ANK2: variants seen among roughly 807,000 people sequenced by gnomAD.
The protein encoded by ANK2 is ankyrin-2.
In ANK2, 83 loss-of-function variants were observed where a neutral mutation model predicts 360.5. That is an observed-to-expected ratio of 0.23 (90% confidence interval 0.19 to 0.28). The LOEUF (loss-of-function observed/expected upper bound fraction) is 0.28, where lower values mean the gene tolerates loss of function less well. Among genes scored for constraint, ANK2 ranks in the 10% least tolerant of loss-of-function variants. The probability of loss-of-function intolerance (pLI) is 1.00; values close to 1 mark genes in which losing one functional copy is unlikely to be tolerated. For synonymous variants in ANK2, 1,740 were observed against 1,759.5 expected (o/e 0.99, Z 0.28); for missense variants, 4,201 against 4,795.7 (o/e 0.88, Z 3.66).
the ANK2 span, among the ~76,000 whole-genome samples, chr4:112,787,319 T>C: frequency 1.3e-5 from 2 of 151,868 alleles, no homozygotes; most frequent in Non-Finnish European, 2.9e-5. Context: ...CTTCTGCTAC[T>C]CCCCTCGATA....
intron 18 of ANK2, among the ~76,000 whole-genome samples, chr4:113,287,077 A>G (rs2065022660): frequency 6.6e-6 from 1 of 152,190 alleles, no homozygotes; most frequent in Non-Finnish European, 1.5e-5. Context: ...AGGTTACTTT[A>G]AGGTAATGTT....
intron 2 of ANK2, among the ~76,000 whole-genome samples, chr4:112,916,813 G>A (rs539273557): frequency 6.6e-6 from 1 of 152,250 alleles, no homozygotes; most frequent in Admixed American, 6.5e-5. Context: ...TCTATTCAAT[G>A]TATTTTAATA....
At position 112,932,082 on chromosome 4, in the gene ANK2, C is replaced by T. The variant is rs189779725; in HGVS notation, c.21+27568C>T. Among the ~76,000 whole-genome samples, 118 of 152,128 alleles carry T rather than the reference C, an allele frequency of 7.8e-4. 1 individual carries two copies. The highest frequency in any genetic ancestry group is 1.3e-3 in the Non-Finnish European group (88 of 68,006). On this transcript the variant is annotated intron_variant, in intron 2 of 30. Transcript: ENST00000503271. Reference sequence around the variant, plus strand: ...TAAGTGCAAGAGACAGCCTTTAGCCCGAAGATAGTGATAAAAATGACATAT... The same window carrying T: ...TAAGTGCAAGAGACAGCCTTTAGCCTGAAGATAGTGATAAAAATGACATAT...
intron 1 of ANK2, among the ~76,000 whole-genome samples, chr4:113,118,130 AAT>A (rs2095016331): frequency 1.3e-5 from 2 of 152,314 alleles, no homozygotes; most frequent in South Asian, 4.1e-4. Context: ...TTTCTCTTAA[AAT>A]ATTGTTTTCC....
chr4:113,368,122 T>C lies in ANK2; in HGVS notation c.11318+271T>C, dbSNP rs527412407. Among the ~76,000 whole-genome samples, 738 of 152,320 alleles carry C rather than the reference T, an allele frequency of 4.8e-3. 6 individuals are homozygous for C. Among genetic ancestry groups the C allele is most frequent in the African/African-American group, 0.017 (709 of 41,570 alleles). On this transcript the variant is annotated intron_variant, in intron 42 of 45. Transcript: ENST00000357077. ...CTTTGAATCTCCATTTCCACATCTG[T>C]AAATTATAGTAATAATACACACTTG...
chr4:113,238,790 T>C (rs6533676), intron 7 of ANK2, among the ~76,000 whole-genome samples: 99,049 of 151,932 alleles, frequency 0.65, 32,879 homozygotes, highest in South Asian at 0.77. Flanking sequence ...CCTACTTCCA[T>C]GTTAATCAGG....
chr4:113,263,211 A>G (rs1445366700), intron 13 of ANK2, among the ~76,000 whole-genome samples: 1 of 150,858 alleles, frequency 6.6e-6, no homozygotes, highest in African/African-American at 2.5e-5. Context: ...AAAAAAAAGA[A>G]GATCTTAGCC....
At chr4:112,708,824 G>A in the ANK2 span, among the ~76,000 whole-genome samples, 5 of 151,970 alleles carry the variant, frequency 3.3e-5, no homozygotes, top group African/African-American at 4.8e-5. Context: ...GATTGAATTC[G>A]TTTGCATTTA....
intron 14 of ANK2, among the ~76,000 whole-genome samples, chr4:113,270,188 C>A (rs1035953324): frequency 1.3e-5 from 2 of 152,004 alleles, no homozygotes; most frequent in African/African-American, 4.8e-5. Flanking sequence ...TTTTGTAATT[C>A]GTATTTAATA....
intron 36 of ANK2, among the ~76,000 whole-genome samples, chr4:113,349,187 C>G (rs1279510360): frequency 1.3e-5 from 2 of 152,042 alleles, no homozygotes; most frequent in Non-Finnish European, 2.9e-5. Flanking sequence ...ATGAATTAAA[C>G]CTGCTTCAAT....
Position 113,375,594 on chromosome 4 carries a change from G to A in ANK2, c.11859+2145G>A, listed in dbSNP as rs543956423. Among the ~76,000 whole-genome samples the A allele has an allele frequency of 2.6e-3, 395 of 151,978 alleles. 1 individual carries two copies. Among genetic ancestry groups the A allele is most frequent in the Middle Eastern group, 0.01 (3 of 294 alleles). On this transcript the variant is annotated intron_variant, in intron 45 of 45. Transcript: ENST00000357077. ...CAAAAAATTAGCCAGGCGTGGTGGC[G>A]GGTGCCTGTAGTCCCAGCTACTCGG... is the stretch of plus-strand genomic sequence containing the variant.
At chr4:113,145,511 T>A in intron 1 of ANK2, 1 of 816,944 alleles carries the variant, frequency 1.2e-6, no homozygotes, top group Non-Finnish European at 1.5e-6. Flanking sequence ...TGAGGCAGGC[T>A]GCTTGCATGG....
chr4:113,129,538 T>C (rs1049084607), intron 1 of ANK2, among the ~76,000 whole-genome samples: 3 of 147,984 alleles, frequency 2.0e-5, no homozygotes, highest in African/African-American at 8.0e-5. Context: ...AGAATTTTTG[T>C]TTGTTTGTTT....
intron 1 of ANK2, among the ~76,000 whole-genome samples, chr4:113,077,368 T>C (rs2080508147): frequency 1.3e-5 from 2 of 152,140 alleles, no homozygotes; most frequent in South Asian, 4.1e-4. Context: ...TGGTTTTAAT[T>C]TTTTTCTTTC....
At chr4:113,317,540 T>TAA (rs1377685479) in intron 24 of ANK2, 167 bp from the exon 25 acceptor site, 3 of 672,630 alleles carry the variant, frequency 4.5e-6, no homozygotes, top group Non-Finnish European at 8.2e-6. Flanking sequence ...ATGTGTTAGT[T>TAA]CAGCTGTTGG....
intron 16 of ANK2, 147 bp from the exon 17 acceptor site, chr4:113,278,313 G>A (rs1586916173): frequency 1.4e-6 from 1 of 723,312 alleles, no homozygotes. Flanking sequence ...AAATTATTAG[G>A]GATTTGTTTA....
intron 1 of ANK2, among the ~76,000 whole-genome samples, chr4:112,865,481 G>A (rs2070164498): frequency 6.6e-6 from 1 of 152,098 alleles, no homozygotes; most frequent in Non-Finnish European, 1.5e-5. Context: ...GTATTACTAT[G>A]CCATATAAAA....
intron 1 of ANK2, among the ~76,000 whole-genome samples, chr4:112,832,325 T>G (rs6856390): frequency 0.12 from 18,073 of 152,222 alleles, 1,812 homozygotes; most frequent in African/African-American, 0.27. Context: ...AGTGCTGTCA[T>G]TACAGGCATG....
At chr4:113,306,918 A>T (rs762904257) in intron 23 of ANK2, among the ~76,000 whole-genome samples, 2 of 152,228 alleles carry the variant, frequency 1.3e-5, no homozygotes, top group South Asian at 4.1e-4. Context: ...GTCTAACAGA[A>T]TTATAGCATC....
Sources: gnomAD v4.1 joint callset for allele counts (sites outside exome capture counted in the v4.1 genomes callset) on GRCh38, gnomAD v4.1.1 for gene constraint, MANE v1.5 for transcripts, NCBI Gene and HGNC (gene_info 2026-07-23, HGNC 2026-07-21) for gene names.